The following ZNF385C variants were observed in gnomAD, a reference collection of about 807,000 sequenced individuals.
ZNF385C encodes the protein zinc finger protein 385C.
In ZNF385C, 28 loss-of-function variants were observed where a neutral mutation model predicts 35.4. The observed-to-expected ratio is 0.79, with a 90% CI of 0.59 to 1.08. The LOEUF is 1.08. Ranked by LOEUF, ZNF385C falls within the 50% of genes least tolerant of loss-of-function variation. The pLI is 0.00. For missense variants in ZNF385C, 605 were observed against 595.6 expected (o/e 1.02, Z -0.16); for synonymous variants, 248 against 248.2 (o/e 1.00, Z 0.01).
intron 1 of ZNF385C, among the ~76,000 whole-genome samples, chr17:42,076,329 G>C (rs1555659262): frequency 1.3e-5 from 2 of 152,110 alleles, no homozygotes; most frequent in Non-Finnish European, 2.9e-5. Flanking sequence ...AGATAAAGAG[G>C]GGGAGGCTCT....
chr17:42,053,655 G>T (rs1555657316), intron 2 of ZNF385C, among the ~76,000 whole-genome samples: 1 of 152,110 alleles, frequency 6.6e-6, no homozygotes, highest in Admixed American at 6.5e-5. Flanking sequence ...CGGCCAGAGT[G>T]GGGGCTTCCC....
At chr17:42,075,448 G>A (rs2053673547) in intron 1 of ZNF385C, among the ~76,000 whole-genome samples, 2 of 150,768 alleles carry the variant, frequency 1.3e-5, no homozygotes, top group South Asian at 4.2e-4. Context: ...TTGAATAAAT[G>A]GTTTCCAAGT....
intron 3 of ZNF385C, among the ~76,000 whole-genome samples, chr17:42,035,478 G>A (rs1313824644): frequency 1.3e-5 from 2 of 151,718 alleles, no homozygotes; most frequent in Non-Finnish European, 2.9e-5. Context: ...CCTGTGGGCT[G>A]GGGGAAGATA....
Position 42,050,450 on chromosome 17 carries a change from T to C in ZNF385C, c.250+12357A>G, listed in dbSNP as rs1237609788. On this transcript the variant is annotated intron_variant, in intron 2 of 8. Coordinates refer to ENST00000692273, the MANE Select transcript of ZNF385C (RefSeq NM_001392013.1). The surrounding 1 kb of genome is among the most constrained non-coding windows in gnomAD (Gnocchi z 5.6). ...TGGGGGGCGCGCGGTGACAGAGCCC[T>C]CGGTGGGTCCCGCAGAGGCACTGAG... is the stretch of plus-strand genomic sequence containing the variant. The C allele has an allele frequency of 6.6e-6, 1 of 151,986 alleles. No individual in the cohort carries two copies. The highest frequency in any genetic ancestry group is 2.4e-5 in the African/African-American group (1 of 41,384). The allele number at this position is 151,986 out of a possible 1,614,324, so 9.4% of individuals were successfully genotyped here.
intron 1 of ZNF385C, among the ~76,000 whole-genome samples, chr17:42,086,902 C>T (rs1393531046): frequency 2.1e-5 from 3 of 146,328 alleles, no homozygotes; most frequent in African/African-American, 7.6e-5. Flanking sequence ...GATCTTGGCT[C>T]ACTGCAACCT....
chr17:42,090,595 T>C (rs908105887), intron 1 of ZNF385C, among the ~76,000 whole-genome samples: 16 of 149,474 alleles, frequency 1.1e-4, no homozygotes, highest in East Asian at 4.3e-4. Flanking sequence ...TCTTATTCCC[T>C]CTTGAGAACC....
chr17:42,054,250 C>G (rs1189477667), intron 2 of ZNF385C, among the ~76,000 whole-genome samples: 1 of 152,214 alleles, frequency 6.6e-6, no homozygotes, highest in Admixed American at 6.5e-5. Flanking sequence ...CAGGGACCTC[C>G]AGGGAAGGAG....
chr17:42,062,464 CT>C (rs1555658074), intron 2 of ZNF385C: 2 of 211,752 alleles, frequency 9.4e-6, no homozygotes, highest in Non-Finnish European at 1.9e-5. Flanking sequence ...AGATGAGGCC[CT>C]TGTCTGAAAG....
intron 1 of ZNF385C, among the ~76,000 whole-genome samples, chr17:42,085,140 T>C (rs1288016067): frequency 1.3e-5 from 2 of 152,000 alleles, no homozygotes; most frequent in Admixed American, 6.6e-5. Flanking sequence ...CTACTAAAAA[T>C]ACAAAAATTA....
intron 2 of ZNF385C, among the ~76,000 whole-genome samples, chr17:42,053,831 AG>A (rs1555657333): frequency 6.6e-6 from 1 of 152,108 alleles, no homozygotes; most frequent in Admixed American, 6.5e-5. Context: ...GGGCGTCATC[AG>A]CACTCACCCA....
intron 2 of ZNF385C, among the ~76,000 whole-genome samples, chr17:42,058,719 G>A (rs2053417296): frequency 6.6e-6 from 1 of 152,184 alleles, no homozygotes; most frequent in Non-Finnish European, 1.5e-5. Flanking sequence ...GCAGTGGCGT[G>A]ATCTCAGCTC....
chr17:42,084,780 T>TA (rs1248192647), intron 1 of ZNF385C, among the ~76,000 whole-genome samples: 3 of 151,458 alleles, frequency 2.0e-5, no homozygotes, highest in African/African-American at 4.9e-5. Context: ...CCAGCTAATT[T>TA]AAAAAAAAAT....
chr17:42,063,080 T>C (rs1555658149), intron 1 of ZNF385C, 22 bp from the exon 2 acceptor site: 1 of 594,162 alleles, frequency 1.7e-6, no homozygotes, highest in South Asian at 2.0e-5. Context: ...GAGAGGGAGA[T>C]GAATGAACGC....
chr17:42,070,653 C>G, intron 1 of ZNF385C, among the ~76,000 whole-genome samples: 1 of 152,210 alleles, frequency 6.6e-6, no homozygotes, highest in East Asian at 1.9e-4. Context: ...AGGGCCAGGT[C>G]TCCTCCATTC....
chr17:42,031,976 C>A (rs1484168370), intron 4 of ZNF385C, among the ~76,000 whole-genome samples, 192 bp from the exon 5 acceptor site: 1 of 152,222 alleles, frequency 6.6e-6, no homozygotes, highest in Non-Finnish European at 1.5e-5. Context: ...TGTTCTCGCA[C>A]ATGAACTCCA....
intron 8 of ZNF385C, among the ~76,000 whole-genome samples, 188 bp downstream of exon 8, chr17:42,027,430 C>T (rs551937222): frequency 2.0e-5 from 3 of 152,058 alleles, no homozygotes; most frequent in East Asian, 3.9e-4. Flanking sequence ...AGATGACTAT[C>T]CCAACCCACC....
intron 1 of ZNF385C, among the ~76,000 whole-genome samples, chr17:42,066,918 A>T (rs1555658478): frequency 2.6e-5 from 4 of 152,106 alleles, no homozygotes; most frequent in Admixed American, 6.6e-5. Flanking sequence ...AATACAAAAA[A>T]ATTAGCCAGG....
intron 2 of ZNF385C, among the ~76,000 whole-genome samples, chr17:42,051,228 C>A: frequency 6.6e-6 from 1 of 151,780 alleles, no homozygotes; most frequent in Non-Finnish European, 1.5e-5. Flanking sequence ...AAGCCTCCTC[C>A]GGAGGAGTTG....
At chr17:42,047,713 G>T (rs2053196446) in intron 2 of ZNF385C, among the ~76,000 whole-genome samples, 1 of 151,920 alleles carries the variant, frequency 6.6e-6, no homozygotes, top group South Asian at 2.1e-4. Context: ...GAGTGTAGTG[G>T]TGTGATCTCG....
Sources: allele counts gnomAD v4.1 joint callset (sites outside exome capture counted in the v4.1 genomes callset), GRCh38; gene constraint gnomAD v4.1.1; non-coding constraint Gnocchi (gnomAD v3.1); transcripts MANE v1.5; gene names NCBI Gene and HGNC (gene_info 2026-07-23, HGNC 2026-07-21).